The following SYNRG variants were observed in gnomAD, a reference collection of about 807,000 sequenced individuals.
SYNRG encodes AP1 gamma subunit binding protein 1.
In SYNRG, 37 loss-of-function variants were observed where a neutral mutation model predicts 130.9. The ratio of observed to expected loss-of-function variants is 0.28; its 90% CI spans 0.22 to 0.37. The LOEUF is 0.37. SYNRG is among the 10% of genes least tolerant of loss of function. The probability of loss-of-function intolerance (pLI) is 1.00; values close to 1 mark genes in which losing one functional copy is unlikely to be tolerated. For missense variants in SYNRG, 1,338 were observed against 1,588.9 expected (o/e 0.84, Z 2.68); for synonymous variants, 539 against 568.1 (o/e 0.95, Z 0.73).
intron 19 of SYNRG, chr17:37,529,922 T>G: frequency 7.3e-7 from 1 of 1,371,586 alleles, no homozygotes; most frequent in Non-Finnish European, 1.0e-6. Context: ...TTAACTGCAG[T>G]AAGAACCGAT....
At chr17:37,526,971 A>G (rs955418365) in intron 19 of SYNRG, among the ~76,000 whole-genome samples, 1 of 152,232 alleles carries the variant, frequency 6.6e-6, no homozygotes, top group Non-Finnish European at 1.5e-5. Context: ...GCAGAGACAT[A>G]GTAAAGATCC....
intron 1 of SYNRG, among the ~76,000 whole-genome samples, chr17:37,603,798 C>A (rs2063503138): frequency 6.6e-6 from 1 of 152,172 alleles, no homozygotes; most frequent in Non-Finnish European, 1.5e-5. Flanking sequence ...TTGAAAAGCC[C>A]TGAGATTTTC....
At chr17:37,536,808 A>G (rs2057235337) in intron 18 of SYNRG, 1 of 152,280 alleles carries the variant, frequency 6.6e-6, no homozygotes, top group African/African-American at 2.4e-5. Context: ...GAGAGGTGCT[A>G]AGTACCTCCA....
rs1279438760 is a variant in SYNRG at position 37,585,392 on chromosome 17, T to G, written c.410A>C (p.Glu137Ala). ...FEQQQKLLEEERKRRQFEEQK... is the reference protein window; with the variant it reads ...FEQQQKLLEEARKRRQFEEQK... ...CTCTTCAAACTGGCGTCTTTTTCTT[T>G]CTTCTTCTAAGAGTTTTTGCTGCTG... is the stretch of plus-strand genomic sequence containing the variant. The change falls in exon 5 of 22, where the codon GAA becomes GCA. Residue 137 changes from glutamate to alanine, a missense_variant. Coordinates refer to ENST00000612223, the MANE Select transcript of SYNRG (RefSeq NM_007247.6). 1.2e-6 allele frequency: 2 copies of G among 1,613,744 alleles called. No individual in the cohort carries two copies. The highest frequency in any genetic ancestry group is 2.7e-5 in the African/African-American group (2 of 74,934).
Position 37,571,308 on chromosome 17 carries a change from G to A in SYNRG, c.1099-423C>T, listed in dbSNP as rs150915472. ...AATATTAAAAGTCTTTAGGCCAGGC[G>A]TGGTGGCTCATGCCTGTAATCCCAG... is the stretch of plus-strand genomic sequence containing the variant. On this transcript the variant is annotated intron_variant, in intron 9 of 21. Coordinates refer to ENST00000612223, the MANE Select transcript of SYNRG (RefSeq NM_007247.6). Among the ~76,000 whole-genome samples the A allele has an allele frequency of 2.0e-3, 312 of 152,310 alleles. 4 individuals are homozygous for A. Among genetic ancestry groups the A allele is most frequent in the African/African-American group, 6.7e-3 (279 of 41,564 alleles).
chr17:37,599,481 G>A (rs2063077127), intron 2 of SYNRG, among the ~76,000 whole-genome samples: 1 of 152,216 alleles, frequency 6.6e-6, no homozygotes, highest in African/African-American at 2.4e-5. Flanking sequence ...AGTGCTTTGG[G>A]AGGCCAAGGC....
chr17:37,609,092 G>T (rs547894394), intron 1 of SYNRG, among the ~76,000 whole-genome samples, 187 bp downstream of exon 1: 4 of 150,810 alleles, frequency 2.7e-5, no homozygotes, highest in South Asian at 4.3e-4. Flanking sequence ...ACTGATCCCG[G>T]AACACCAGCG....
chr17:37,584,266 A>C (rs542444125), intron 6 of SYNRG: 74 of 161,246 alleles, frequency 4.6e-4, no homozygotes, highest in Admixed American at 1.3e-4. Flanking sequence ...AAGTTTAATC[A>C]CATTAAGTAA....
At chr17:37,539,058 G>A in intron 17 of SYNRG, 134 bp downstream of exon 17, 1 of 1,481,658 alleles carries the variant, frequency 6.7e-7, no homozygotes, top group Non-Finnish European at 8.9e-7. Flanking sequence ...GACTTCCACA[G>A]AGTTACTCTT....
intron 19 of SYNRG, among the ~76,000 whole-genome samples, chr17:37,525,731 G>T (rs1438488158): frequency 6.6e-6 from 1 of 152,140 alleles, no homozygotes; most frequent in Non-Finnish European, 1.5e-5. Flanking sequence ...ACTTTGGGAG[G>T]CCAAGGCGGG....
chr17:37,535,648 T>C (rs1427622933), intron 19 of SYNRG, among the ~76,000 whole-genome samples: 3 of 152,242 alleles, frequency 2.0e-5, no homozygotes, highest in Admixed American at 6.5e-5. Context: ...AGGACACGTA[T>C]GGGGACATAA....
intron 14 of SYNRG, 50 bp from the exon 15 acceptor site, chr17:37,542,615 A>G: frequency 6.7e-7 from 1 of 1,486,648 alleles, no homozygotes; most frequent in Non-Finnish European, 9.2e-7. Flanking sequence ...TTTAGGCAAA[A>G]TGCCCTAAAC....
chr17:37,607,649 C>G (rs975012709), intron 1 of SYNRG, among the ~76,000 whole-genome samples: 1 of 152,224 alleles, frequency 6.6e-6, no homozygotes, highest in Non-Finnish European at 1.5e-5. Flanking sequence ...ATTAGCTGGG[C>G]GTGGTGGCGC....
intron 1 of SYNRG, among the ~76,000 whole-genome samples, chr17:37,607,436 T>C (rs1194169150): frequency 1.3e-5 from 2 of 152,196 alleles, no homozygotes; most frequent in Admixed American, 6.5e-5. Flanking sequence ...ATTAATCATA[T>C]ACTTGATCAA....
intron 19 of SYNRG, among the ~76,000 whole-genome samples, chr17:37,525,706 A>G (rs561030274): frequency 5.0e-4 from 76 of 152,224 alleles, no homozygotes; most frequent in South Asian, 3.5e-3. Flanking sequence ...GGTGGCTCAC[A>G]CCTGTAATCT....
Position 37,555,278 on chromosome 17 carries a change from C to T in SYNRG, c.1664-1219G>A, listed in dbSNP as rs576492907. ...AGTAGCTGGGATTACAGGCACCTGCCACCACGCCCGGCTAATTTTTGTATT... is the reference window on the plus strand; with the variant it reads ...AGTAGCTGGGATTACAGGCACCTGCTACCACGCCCGGCTAATTTTTGTATT... On this transcript the variant is annotated intron_variant, in intron 13 of 21. Transcript: ENST00000612223. Among the ~76,000 whole-genome samples the T allele has an allele frequency of 2.0e-5, 3 of 152,202 alleles. No individual in the cohort carries two copies. The East Asian group carries it at 5.8e-4, about 29-fold the overall frequency.
At chr17:37,533,543 T>A (rs67499664) in intron 19 of SYNRG, among the ~76,000 whole-genome samples, 27,311 of 151,284 alleles carry the variant, frequency 0.18, 3,088 homozygotes, top group East Asian at 0.58. Flanking sequence ...ATAATTTTTT[T>A]AAAAAAGATT....
chr17:37,586,329 T>C, intron 4 of SYNRG, 90 bp downstream of exon 4: 1 of 1,540,058 alleles, frequency 6.5e-7, no homozygotes, highest in Non-Finnish European at 8.8e-7. Flanking sequence ...ACTGTTTTAG[T>C]TTCAAATCTG....
At position 37,518,906 on chromosome 17, in the gene SYNRG, A is replaced by G. The variant is rs1200515034; in HGVS notation, c.*34T>C. On this transcript the variant is annotated 3_prime_UTR_variant, in exon 22 of 22. Coordinates refer to ENST00000612223, the MANE Select transcript of SYNRG (RefSeq NM_007247.6). ...CCTGTCACCCCGTGGGGTGTCACAG[A>G]AAAAAAAAAGTCAATGCTTCACAGA... is the stretch of plus-strand genomic sequence containing the variant. 2 of 1,508,002 alleles carry G rather than the reference A, an allele frequency of 1.3e-6. No individual in the cohort carries two copies. Among genetic ancestry groups the G allele is most frequent in the Admixed American group, 1.9e-5 (1 of 53,270 alleles). 93.4% of individuals were successfully genotyped at this position (1,508,002 alleles called of 1,614,324 possible).
Sources: gnomAD v4.1 joint callset for allele counts (sites outside exome capture counted in the v4.1 genomes callset) on GRCh38, gnomAD v4.1.1 for gene constraint, MANE v1.5 for transcripts, NCBI Gene and HGNC (gene_info 2026-07-23, HGNC 2026-07-21) for gene names.